Variants in CTNNA3 observed in about 807,000 individuals in gnomAD.
CTNNA3 encodes catenin alpha-3.
A neutral mutation model predicts 95.7 loss-of-function variants in CTNNA3; 76 were observed. That is an observed-to-expected ratio of 0.79 (90% CI 0.66 to 0.96). The LOEUF (loss-of-function observed/expected upper bound fraction) is 0.96. Among genes scored for constraint, CTNNA3 ranks in the 40% least tolerant of loss-of-function variants. The pLI, the probability that CTNNA3 is intolerant of heterozygous loss-of-function variation, is 0.00. For synonymous variants in CTNNA3, 431 were observed against 374.4 expected (o/e 1.15, Z -1.74); for missense variants, 1,191 against 1,089.8 (o/e 1.09, Z -1.31).
intron 5 of CTNNA3, among the ~76,000 whole-genome samples, chr10:67,313,291 G>C (rs1840893261): frequency 1.3e-5 from 2 of 151,958 alleles, no homozygotes; most frequent in African/African-American, 4.8e-5. Flanking sequence ...AAAAAAATAA[G>C]GCATGGTGGA....
At chr10:67,294,888 G>A (rs938348388) in intron 5 of CTNNA3, among the ~76,000 whole-genome samples, 1 of 152,188 alleles carries the variant, frequency 6.6e-6, no homozygotes, top group African/African-American at 2.4e-5. Flanking sequence ...GGTAGGTACA[G>A]TTCTAATTCT....
intron 6 of CTNNA3, among the ~76,000 whole-genome samples, chr10:67,209,330 T>G (rs902941414): frequency 6.6e-6 from 1 of 152,290 alleles, no homozygotes; most frequent in East Asian, 1.9e-4. Flanking sequence ...ATTATAAGCA[T>G]GAGCCACCGC....
intron 7 of CTNNA3, among the ~76,000 whole-genome samples, chr10:67,071,384 A>G (rs1253123492): frequency 2.8e-5 from 4 of 144,024 alleles, no homozygotes; most frequent in East Asian, 2.0e-4. Flanking sequence ...CAATAGATAT[A>G]TTTGTATTAG....
At chr10:67,003,209 C>A (rs1481405542) in intron 7 of CTNNA3, among the ~76,000 whole-genome samples, 1 of 152,258 alleles carries the variant, frequency 6.6e-6, no homozygotes, top group South Asian at 2.1e-4. Context: ...AGGCACAGTG[C>A]CTATGCTTAT....
At chr10:67,644,767 A>G (rs968852734) in intron 2 of CTNNA3, among the ~76,000 whole-genome samples, 1 of 151,760 alleles carries the variant, frequency 6.6e-6, no homozygotes, top group Non-Finnish European at 1.5e-5. Context: ...AATTATTAAT[A>G]TTTTAATTTA....
intron 1 of CTNNA3, among the ~76,000 whole-genome samples, chr10:67,744,577 C>T (rs1841363492): frequency 6.6e-6 from 1 of 151,196 alleles, no homozygotes; most frequent in African/African-American, 2.4e-5. Flanking sequence ...CAATACCATT[C>T]AGGACATAGG....
intron 15 of CTNNA3, among the ~76,000 whole-genome samples, chr10:66,058,793 G>C (rs1358509140): frequency 6.6e-6 from 1 of 152,138 alleles, no homozygotes; most frequent in Non-Finnish European, 1.5e-5. Flanking sequence ...GGATATTATA[G>C]AAACATAATA....
At chr10:67,512,444 C>T (rs1322570205) in intron 5 of CTNNA3, among the ~76,000 whole-genome samples, 1 of 152,180 alleles carries the variant, frequency 6.6e-6, no homozygotes, top group African/African-American at 2.4e-5. Flanking sequence ...CTCTCATGTT[C>T]ATTGCAGCAT....
At chr10:66,147,076 T>C (rs2083922402) in intron 13 of CTNNA3, among the ~76,000 whole-genome samples, 3 of 152,138 alleles carry the variant, frequency 2.0e-5, no homozygotes, top group African/African-American at 7.2e-5. Context: ...CTTCATGTTT[T>C]AATTATTATT....
intron 7 of CTNNA3, among the ~76,000 whole-genome samples, chr10:67,064,125 G>T (rs762614733): frequency 6.6e-6 from 1 of 152,068 alleles, no homozygotes; most frequent in African/African-American, 2.4e-5. Flanking sequence ...AGATGTGTTA[G>T]CCTATCAACT....
intron 5 of CTNNA3, among the ~76,000 whole-genome samples, chr10:67,258,404 A>G (rs1302987970): frequency 1.3e-5 from 2 of 152,108 alleles, no homozygotes; most frequent in African/African-American, 4.8e-5. Flanking sequence ...ATGACCTCCC[A>G]AAGTGCTGCG....
chr10:67,068,547 G>C (rs553511923), intron 7 of CTNNA3, among the ~76,000 whole-genome samples: 1 of 152,190 alleles, frequency 6.6e-6, no homozygotes, highest in South Asian at 2.1e-4. Flanking sequence ...GAATTTTATA[G>C]TGTGAGAAGC....
chr10:67,073,477 T>C (rs1457689964), intron 7 of CTNNA3, among the ~76,000 whole-genome samples: 1 of 152,130 alleles, frequency 6.6e-6, no homozygotes, highest in Non-Finnish European at 1.5e-5. Context: ...GCCATCCTGA[T>C]CATCATCTTC....
At chr10:66,300,952 A>C (rs1354020015) in intron 12 of CTNNA3, among the ~76,000 whole-genome samples, 1 of 152,014 alleles carries the variant, frequency 6.6e-6, no homozygotes, top group African/African-American at 2.4e-5. Context: ...AAAAAAAAAG[A>C]GAGAAGATAC....
chr10:67,216,772 T>C (rs1864385090), intron 6 of CTNNA3, among the ~76,000 whole-genome samples: 1 of 152,210 alleles, frequency 6.6e-6, no homozygotes, highest in African/African-American at 2.4e-5. Flanking sequence ...CAACAGCTGC[T>C]TTTTCCCTCC....
At chr10:66,221,522 T>C (rs10822754) in intron 13 of CTNNA3, among the ~76,000 whole-genome samples, 85,449 of 151,998 alleles carry the variant, frequency 0.56, 24,772 homozygotes, top group South Asian at 0.65. Flanking sequence ...CTTTCCTCTG[T>C]CCCTTCAACA....
chr10:66,722,206 G>A (rs528418761), intron 9 of CTNNA3, among the ~76,000 whole-genome samples: 1 of 151,718 alleles, frequency 6.6e-6, no homozygotes, highest in Non-Finnish European at 1.5e-5. Context: ...GTGAAACCCC[G>A]TCTCTACTAA....
At chr10:66,060,862 C>G (rs923650215) in intron 15 of CTNNA3, among the ~76,000 whole-genome samples, 3 of 152,094 alleles carry the variant, frequency 2.0e-5, no homozygotes, top group South Asian at 2.1e-4. Context: ...ATACTCAATG[C>G]TAAGTGTCAA....
At chr10:66,554,504 A>AT (rs1402453804) in intron 10 of CTNNA3, among the ~76,000 whole-genome samples, 1 of 152,078 alleles carries the variant, frequency 6.6e-6, no homozygotes, top group African/African-American at 2.4e-5. Flanking sequence ...AACTTCTCCT[A>AT]TTTTTAATAG....
Sources: gnomAD v4.1 joint callset for allele counts (sites outside exome capture counted in the v4.1 genomes callset) on GRCh38, gnomAD v4.1.1 for gene constraint, MANE v1.5 for transcripts, NCBI Gene and HGNC (gene_info 2026-07-23, HGNC 2026-07-21) for gene names.